Variants in ASAP1 observed in about 807,000 individuals in gnomAD.
ASAP1 encodes arf-GAP with SH3 domain, ANK repeat and PH domain-containing protein 1.
ASAP1 carries 43 observed loss-of-function variants against 145.2 expected under a neutral mutation model. That is an observed-to-expected ratio of 0.30 (90% CI 0.23 to 0.38). The LOEUF is 0.38. ASAP1 is among the 10% of genes least tolerant of loss of function. The pLI is 1.00. For synonymous variants in ASAP1, 546 were observed against 515.5 expected, an observed-to-expected ratio of 1.06 and a Z score of -0.80; for missense variants, 1,018 against 1,355.3, an observed-to-expected ratio of 0.75 and a Z score of 3.91.
intron 27 of ASAP1, among the ~76,000 whole-genome samples, chr8:130,061,330 T>G (rs980144574): frequency 6.6e-6 from 1 of 152,108 alleles, no homozygotes; most frequent in South Asian, 2.1e-4. Context: ...AAAAAATAAA[T>G]AGAAACAGAT....
chr8:130,278,922 T>C (rs1275548363), intron 3 of ASAP1, among the ~76,000 whole-genome samples: 3 of 152,178 alleles, frequency 2.0e-5, no homozygotes, highest in African/African-American at 7.2e-5. Flanking sequence ...TACAAAGCCC[T>C]TCCTCATCCA....
intron 3 of ASAP1, among the ~76,000 whole-genome samples, chr8:130,244,029 C>T (rs982135437): frequency 6.6e-6 from 1 of 151,958 alleles, no homozygotes; most frequent in East Asian, 1.9e-4. Context: ...CAGGTGATGA[C>T]CTATTAAATT....
intron 18 of ASAP1, among the ~76,000 whole-genome samples, 162 bp downstream of exon 18, chr8:130,123,851 A>T (rs1001698905): frequency 2.0e-5 from 3 of 151,328 alleles, no homozygotes; most frequent in Non-Finnish European, 4.4e-5. Context: ...GATGGTCTTG[A>T]TCTCCTGACC....
chr8:130,163,469 T>C (rs1280768452), intron 11 of ASAP1, among the ~76,000 whole-genome samples: 2 of 152,222 alleles, frequency 1.3e-5, no homozygotes, highest in Non-Finnish European at 1.5e-5. Context: ...ACTCCAGGGT[T>C]TGACCTCATT....
At chr8:130,252,299 T>C (rs1819246440) in intron 3 of ASAP1, among the ~76,000 whole-genome samples, 2 of 152,194 alleles carry the variant, frequency 1.3e-5, no homozygotes, top group African/African-American at 4.8e-5. Flanking sequence ...TCTAGAACTG[T>C]AAAGTGCAGA....
intron 3 of ASAP1, among the ~76,000 whole-genome samples, chr8:130,263,610 G>A (rs1181551155): frequency 6.6e-6 from 1 of 152,118 alleles, no homozygotes; most frequent in Non-Finnish European, 1.5e-5. Context: ...TAACTGAAAT[G>A]GTTCTCTCTG....
chr8:130,361,658 A>C (rs1290890964), intron 2 of ASAP1: 1 of 1,501,896 alleles, frequency 6.7e-7, no homozygotes, highest in South Asian at 1.2e-5. Flanking sequence ...AAAGGTTCAC[A>C]CCTCTACTCA....
At chr8:130,385,133 G>T (rs891203963) in intron 2 of ASAP1, among the ~76,000 whole-genome samples, 9 of 152,122 alleles carry the variant, frequency 5.9e-5, no homozygotes, top group Non-Finnish European at 5.9e-5. Context: ...GAGGCAGAAG[G>T]CACGTTGCTA....
At chr8:130,295,786 T>A (rs1431315228) in intron 3 of ASAP1, among the ~76,000 whole-genome samples, 1 of 152,196 alleles carries the variant, frequency 6.6e-6, no homozygotes, top group Non-Finnish European at 1.5e-5. Context: ...AGATTTTTTT[T>A]TTCCTATCAA....
At position 130,101,732 on chromosome 8, in the gene ASAP1, A is replaced by ATTTTT. The variant is rs59778799; in HGVS notation, c.2402-9594_2402-9590dup. Among the ~76,000 whole-genome samples, 58 of 86,922 alleles carry ATTTTT rather than the reference A, an allele frequency of 6.7e-4. 8 individuals carry two copies. The highest frequency in any genetic ancestry group is 1.8e-3 in the African/African-American group (32 of 18,090). The allele number at this position is 86,922 out of a possible 152,430, so 57.0% of individuals were successfully genotyped here. On this transcript the variant is annotated intron_variant, in intron 24 of 29. Transcript: ENST00000518721. ...AGGCATGTGCTACCACACCTGGTTA[A>ATTTTT]TTTTTTTTTTTTTTTTTTTTGCAGA...
chr8:130,423,112 C>CA (rs1554912092), intron 1 of ASAP1, among the ~76,000 whole-genome samples: 24 of 151,496 alleles, frequency 1.6e-4, no homozygotes, highest in African/African-American at 3.9e-4. Flanking sequence ...CATATTTATA[C>CA]TTTTTTTTTG....
At chr8:130,160,325 G>A (rs1297175270) in intron 11 of ASAP1, among the ~76,000 whole-genome samples, 3 of 152,166 alleles carry the variant, frequency 2.0e-5, no homozygotes, top group East Asian at 1.9e-4. Context: ...AAAAAATGAA[G>A]TGGACCAGAA....
chr8:130,275,560 G>A (rs1010209454), intron 3 of ASAP1, among the ~76,000 whole-genome samples: 3 of 151,960 alleles, frequency 2.0e-5, no homozygotes, highest in Non-Finnish European at 4.4e-5. Context: ...AAGTGAAAAG[G>A]GTTTTAAAGG....
chr8:130,358,381 C>T lies in ASAP1; in HGVS notation c.60-238G>A, dbSNP rs1372244091. 6.7e-6 allele frequency among the ~76,000 whole-genome samples: 1 copy of T among 148,322 alleles called. No individual in the cohort carries two copies. The highest frequency in any genetic ancestry group is 6.7e-5 in the Admixed American group (1 of 14,964). On this transcript the variant is annotated intron_variant, in intron 2 of 29. Coordinates refer to ENST00000518721, the MANE Select transcript of ASAP1 (RefSeq NM_018482.4). The surrounding 1 kb of genome is among the most constrained non-coding windows in gnomAD (Gnocchi z 4.1). ...GGGGCCCTTCAAACTCCAAGCCGCG[C>T]GCGAGGCAGGGGGCTCTCCGGGACC...
chr8:130,250,711 T>C (rs1819140081), intron 3 of ASAP1, among the ~76,000 whole-genome samples: 1 of 152,014 alleles, frequency 6.6e-6, no homozygotes, highest in African/African-American at 2.4e-5. Flanking sequence ...TGCATAAAGA[T>C]GATTACTAAA....
chr8:130,382,285 C>CAAAAAAAA (rs35060121), intron 2 of ASAP1, among the ~76,000 whole-genome samples: 7 of 73,466 alleles, frequency 9.5e-5, no homozygotes, highest in African/African-American at 2.1e-4. Flanking sequence ...GATTCTGTCT[C>CAAAAAAAA]AAAAAAAAAA....
chr8:130,155,217 C>T (rs2097655872), intron 12 of ASAP1, among the ~76,000 whole-genome samples: 1 of 152,168 alleles, frequency 6.6e-6, no homozygotes, highest in Non-Finnish European at 1.5e-5. Flanking sequence ...GCACACACCC[C>T]TTCTCTTCTG....
intron 13 of ASAP1, among the ~76,000 whole-genome samples, chr8:130,145,599 A>G (rs1317339897): frequency 2.6e-5 from 4 of 152,208 alleles, no homozygotes; most frequent in Non-Finnish European, 4.4e-5. Flanking sequence ...TTAGCCTCAC[A>G]CAGAAAGGGC....
At chr8:130,366,059 T>C (rs1038914991) in intron 2 of ASAP1, among the ~76,000 whole-genome samples, 5 of 152,222 alleles carry the variant, frequency 3.3e-5, no homozygotes, top group African/African-American at 1.2e-4. Context: ...TTGCCCAGTG[T>C]TCCCTGACAG....
Sources: allele counts gnomAD v4.1 joint callset (sites outside exome capture counted in the v4.1 genomes callset), GRCh38; gene constraint gnomAD v4.1.1; non-coding constraint Gnocchi (gnomAD v3.1); transcripts MANE v1.5; gene names NCBI Gene and HGNC (gene_info 2026-07-23, HGNC 2026-07-21).